Variants in GRIP1 observed in about 807,000 individuals in gnomAD.
GRIP1 encodes the protein glutamate receptor interacting protein 1.
In GRIP1, 45 loss-of-function variants were observed where a neutral mutation model predicts 129.9. That is an observed-to-expected ratio of 0.35 (90% CI 0.27 to 0.44). The LOEUF (loss-of-function observed/expected upper bound fraction) is 0.44. Among genes scored for constraint, GRIP1 ranks in the 20% least tolerant of loss-of-function variants. The probability of loss-of-function intolerance (pLI) is 1.00; values close to 1 mark genes in which losing one functional copy is unlikely to be tolerated. For synonymous variants in GRIP1, 530 were observed against 520.8 expected (o/e 1.02, Z -0.24); for missense variants, 1,196 against 1,396.8 (o/e 0.86, Z 2.29).
chr12:67,066,847 T>C (rs771933022), intron 1 of GRIP1, among the ~76,000 whole-genome samples: 1 of 147,456 alleles, frequency 6.8e-6, no homozygotes, highest in Non-Finnish European at 1.5e-5. Context: ...CTCTGATATA[T>C]GCATTACAAG....
chr12:66,515,927 C>A (rs778096360), intron 6 of GRIP1, among the ~76,000 whole-genome samples, 163 bp from the exon 7 acceptor site: 9 of 151,992 alleles, frequency 5.9e-5, no homozygotes, highest in Non-Finnish European at 8.8e-5. Flanking sequence ...AAAGAAGTAA[C>A]CCTGAACAGA....
intron 1 of GRIP1, among the ~76,000 whole-genome samples, chr12:66,976,490 C>G (rs1440975874): frequency 2.6e-5 from 4 of 152,120 alleles, no homozygotes; most frequent in Non-Finnish European, 1.5e-5. Context: ...CATATATTTT[C>G]ATTTGAACAT....
chr12:66,664,929 A>AT (rs988718495), intron 1 of GRIP1, among the ~76,000 whole-genome samples: 34 of 151,744 alleles, frequency 2.2e-4, no homozygotes, highest in East Asian at 3.9e-4. Context: ...CTCAATAGGA[A>AT]TTTTTTTTTC....
intron 1 of GRIP1, among the ~76,000 whole-genome samples, chr12:67,006,844 T>C (rs1565635886): frequency 6.6e-6 from 1 of 152,214 alleles, no homozygotes; most frequent in African/African-American, 2.4e-5. Context: ...GTTGCCTTGG[T>C]TTCTACAGCA....
At chr12:66,893,089 A>C (rs2040688838) in intron 1 of GRIP1, among the ~76,000 whole-genome samples, 1 of 152,084 alleles carries the variant, frequency 6.6e-6, no homozygotes, top group South Asian at 2.1e-4. Context: ...CTAAACCCCA[A>C]CAACCACTGA....
At chr12:66,769,820 T>A (rs190427291) in intron 1 of GRIP1, among the ~76,000 whole-genome samples, 276 of 152,258 alleles carry the variant, frequency 1.8e-3, no homozygotes, top group African/African-American at 6.1e-3. Flanking sequence ...AATAACAGAG[T>A]ATTAGGAAAG....
intron 2 of GRIP1, among the ~76,000 whole-genome samples, chr12:66,567,204 T>C (rs537866080): frequency 2.0e-4 from 31 of 152,324 alleles, no homozygotes; most frequent in African/African-American, 6.5e-4. Context: ...ATAGTTCTTT[T>C]AATTGTGATG....
chr12:66,623,005 T>C (rs187393686), intron 1 of GRIP1, among the ~76,000 whole-genome samples: 201 of 152,292 alleles, frequency 1.3e-3, no homozygotes, highest in Middle Eastern at 3.4e-3. Flanking sequence ...CATGAGGACA[T>C]TGAGCATGAT....
In GRIP1 at chr12:66,496,625, T is replaced by C. The variant is rs2138724340; in HGVS notation, c.724+18994A>G. Among the ~76,000 whole-genome samples, 2 of 152,278 alleles carry C rather than the reference T, an allele frequency of 1.3e-5. 1 individual carries two copies. The highest frequency in any genetic ancestry group is 4.1e-4 in the South Asian group (2 of 4,820). On this transcript the variant is annotated intron_variant, in intron 7 of 24. Coordinates refer to ENST00000359742, the MANE Select transcript of GRIP1 (RefSeq NM_001366722.1). ...CAAAGTCTGAATCTCCAGACTAATATTTACTGTTAGACTCTGGAGCTATAG... is the reference window on the plus strand; with the variant it reads ...CAAAGTCTGAATCTCCAGACTAATACTTACTGTTAGACTCTGGAGCTATAG...
chr12:66,572,526 G>A (rs2062998320), intron 2 of GRIP1, among the ~76,000 whole-genome samples: 1 of 152,122 alleles, frequency 6.6e-6, no homozygotes, highest in Non-Finnish European at 1.5e-5. Context: ...TTACACAGGT[G>A]AAATCAGACA....
At chr12:66,896,197 C>A (rs949484728) in intron 1 of GRIP1, among the ~76,000 whole-genome samples, 15 of 152,248 alleles carry the variant, frequency 9.9e-5, no homozygotes, top group African/African-American at 3.6e-4. Flanking sequence ...GATGGGATGA[C>A]TGGAGGACAT....
intron 1 of GRIP1, among the ~76,000 whole-genome samples, chr12:66,896,489 A>AAAACAAAAAAAAAAAAC (rs779483048): frequency 2.5e-4 from 37 of 149,682 alleles, no homozygotes; most frequent in Admixed American, 1.3e-3. Context: ...TGAAAAAAAA[A>AAAACAAAAAAAAAAAAC]AAAAAAACTT....
intron 15 of GRIP1, among the ~76,000 whole-genome samples, chr12:66,408,458 C>T (rs778062147): frequency 8.6e-5 from 13 of 152,024 alleles, no homozygotes; most frequent in Non-Finnish European, 1.2e-4. Flanking sequence ...GCCTGGGCAA[C>T]AGAATGAGAC....
At chr12:66,537,901 CT>C (rs1428302097) in intron 4 of GRIP1, among the ~76,000 whole-genome samples, 1 of 152,214 alleles carries the variant, frequency 6.6e-6, no homozygotes, top group Non-Finnish European at 1.5e-5. Flanking sequence ...TTTGGAAAAA[CT>C]GGTGCCGCTG....
chr12:66,963,430 A>G (rs1015716056), intron 1 of GRIP1, among the ~76,000 whole-genome samples: 2 of 152,200 alleles, frequency 1.3e-5, no homozygotes, highest in African/African-American at 4.8e-5. Context: ...TCTAGCCCTC[A>G]CAACATATCT....
chr12:66,993,249 GGA>G (rs2042420579), intron 1 of GRIP1, among the ~76,000 whole-genome samples: 2 of 151,852 alleles, frequency 1.3e-5, no homozygotes, highest in South Asian at 4.2e-4. Context: ...ATATCAGAAA[GGA>G]GAAATATTTC....
chr12:67,003,243 A>G (rs2042578062), intron 1 of GRIP1, among the ~76,000 whole-genome samples: 1 of 152,200 alleles, frequency 6.6e-6, no homozygotes, highest in African/African-American at 2.4e-5. Flanking sequence ...GAACAGTTTT[A>G]CATTCTAAGT....
intron 5 of GRIP1, among the ~76,000 whole-genome samples, chr12:66,526,713 A>C (rs982205431): frequency 2.0e-5 from 3 of 151,776 alleles, no homozygotes; most frequent in Non-Finnish European, 2.9e-5. Context: ...TCTGCACAGC[A>C]AAAGAAACTA....
rs143653299 is a variant in GRIP1 at position 66,836,272 on chromosome 12, C to A, written c.58+232778G>T. Among the ~76,000 whole-genome samples the A allele has an allele frequency of 2.0e-5, 3 of 152,176 alleles. No homozygotes were observed. In the East Asian group the frequency reaches 5.8e-4, roughly 29 times the overall value. On this transcript the variant is annotated intron_variant, in intron 1 of 1. Coordinates refer to the GRIP1 transcript ENST00000643019. ...ATCTCTAAATGCTTGGAGAAGAGTTCAAGCCCAGGAACCTCACAACCTCAT... is the reference window on the plus strand; with the variant it reads ...ATCTCTAAATGCTTGGAGAAGAGTTAAAGCCCAGGAACCTCACAACCTCAT...
Sources: gnomAD v4.1 joint callset for allele counts (sites outside exome capture counted in the v4.1 genomes callset) on GRCh38, gnomAD v4.1.1 for gene constraint, MANE v1.5 for transcripts, NCBI Gene and HGNC (gene_info 2026-07-23, HGNC 2026-07-21) for gene names.